The following DNAH14 variants were observed in gnomAD, a reference collection of about 807,000 sequenced individuals.
The protein encoded by DNAH14 is axonemal beta dynein heavy chain 14.
In DNAH14, 478 loss-of-function variants were observed where a neutral mutation model predicts 520.9. The ratio of observed to expected loss-of-function variants is 0.92; its 90% confidence interval spans 0.85 to 0.99. The LOEUF (loss-of-function observed/expected upper bound fraction) is 0.99. Ranked by LOEUF, DNAH14 falls within the 50% of genes least tolerant of loss-of-function variation. DNAH14 has a pLI of 0.00. For synonymous variants in DNAH14, 1,581 were observed against 1,757.2 expected (o/e 0.90, Z 2.51); for missense variants, 4,831 against 5,234.5 (o/e 0.92, Z 2.38).
intron 23 of DNAH14, among the ~76,000 whole-genome samples, chr1:225,111,063 C>A (rs1214121892): frequency 6.6e-6 from 1 of 151,950 alleles, no homozygotes; most frequent in Non-Finnish European, 1.5e-5. Context: ...TGAAAATGAT[C>A]CATGGGCTGA....
intron 71 of DNAH14, among the ~76,000 whole-genome samples, chr1:225,348,522 C>A (rs538508114): frequency 1.3e-5 from 2 of 152,208 alleles, no homozygotes; most frequent in Admixed American, 1.3e-4. Flanking sequence ...TGTATGATTA[C>A]CAGTGATTTC....
chr1:225,104,784 C>T (rs4377457), intron 23 of DNAH14, among the ~76,000 whole-genome samples: 10,495 of 151,870 alleles, frequency 0.069, 573 homozygotes, highest in East Asian at 0.24. Flanking sequence ...CTTTTCTTCT[C>T]TATTAGTCTT....
intron 83 of DNAH14, among the ~76,000 whole-genome samples, chr1:225,391,706 G>A (rs981112355): frequency 1.3e-5 from 2 of 152,060 alleles, no homozygotes; most frequent in Admixed American, 1.3e-4. Context: ...ACTGAAATAC[G>A]GAGCACAGGG....
chr1:225,034,595 T>G, intron 11 of DNAH14, among the ~76,000 whole-genome samples: 1 of 151,422 alleles, frequency 6.6e-6, no homozygotes, highest in Non-Finnish European at 1.5e-5. Context: ...CATAGAATGA[T>G]TTTGGGAGAG....
intron 55 of DNAH14, among the ~76,000 whole-genome samples, chr1:225,298,174 G>A (rs1050897860): frequency 6.6e-6 from 1 of 152,000 alleles, no homozygotes; most frequent in African/African-American, 2.4e-5. Flanking sequence ...GCAAAGGTTT[G>A]CTTGGCTAGC....
chr1:225,273,788 T>C (rs1302470231), intron 52 of DNAH14, among the ~76,000 whole-genome samples: 1 of 152,218 alleles, frequency 6.6e-6, no homozygotes, highest in African/African-American at 2.4e-5. Context: ...CAAAGGAAAG[T>C]GTTTCAATAA....
intron 17 of DNAH14, among the ~76,000 whole-genome samples, chr1:225,062,655 C>G (rs1312003150): frequency 1.3e-5 from 2 of 152,144 alleles, no homozygotes; most frequent in African/African-American, 2.4e-5. Context: ...TAATTGTAAG[C>G]AGAACAATCT....
In DNAH14 at chr1:225,224,997, A is replaced by G. The variant is rs1185250119; in HGVS notation, c.6440-6076A>G. Among the ~76,000 whole-genome samples, 3 of 152,158 alleles carry G rather than the reference A, an allele frequency of 2.0e-5. No homozygotes were observed. The East Asian group carries it at 5.8e-4, about 29-fold the overall frequency. ...ATTTTTATCACACATATTGGACCCCACAGCTCACTGCTTGGCCCATTGGCT... is the reference window on the plus strand; with the variant it reads ...ATTTTTATCACACATATTGGACCCCGCAGCTCACTGCTTGGCCCATTGGCT... On this transcript the variant is annotated intron_variant, in intron 41 of 85. Transcript: ENST00000682510.
chr1:225,335,333 GTGTACATGTGTGTGTATATGCATA>G (rs2094927457), intron 66 of DNAH14, among the ~76,000 whole-genome samples: 11 of 79,654 alleles, frequency 1.4e-4, no homozygotes, highest in South Asian at 9.4e-4. Context: ...ATATACACGT[GTGTACATGTGTGTGTATATGCATA>G]TACACGTGTA....
chr1:224,940,476 TTTTA>T (rs1275010259), intron 1 of DNAH14, among the ~76,000 whole-genome samples: 7 of 152,146 alleles, frequency 4.6e-5, no homozygotes, highest in Non-Finnish European at 8.8e-5. Flanking sequence ...CAGCTTGTCT[TTTTA>T]TTTTCTTTAG....
chr1:225,036,534 G>T (rs181661421), intron 11 of DNAH14, among the ~76,000 whole-genome samples: 8 of 152,232 alleles, frequency 5.3e-5, no homozygotes, highest in African/African-American at 1.7e-4. Flanking sequence ...GGAGAGTTGC[G>T]TGTCTGTTCC....
chr1:224,983,321 A>G (rs1206347625), intron 8 of DNAH14, among the ~76,000 whole-genome samples: 1 of 152,016 alleles, frequency 6.6e-6, no homozygotes, highest in Non-Finnish European at 1.5e-5. Flanking sequence ...CCACCCCTTT[A>G]CTTTAAGTTT....
intron 77 of DNAH14, 64 bp downstream of exon 77, chr1:225,368,096 C>T: frequency 7.5e-7 from 1 of 1,327,078 alleles, no homozygotes; most frequent in Non-Finnish European, 1.0e-6. Flanking sequence ...TGAGAGCCTA[C>T]TATGTGCCTA....
intron 36 of DNAH14, among the ~76,000 whole-genome samples, chr1:225,175,026 C>T (rs2083159105): frequency 6.6e-6 from 1 of 152,112 alleles, no homozygotes; most frequent in Non-Finnish European, 1.5e-5. Context: ...GGATGAATCC[C>T]TCTTGATCAT....
intron 41 of DNAH14, among the ~76,000 whole-genome samples, chr1:225,229,177 A>T (rs1309818523): frequency 1.3e-5 from 2 of 152,182 alleles, no homozygotes; most frequent in Non-Finnish European, 2.9e-5. Context: ...GTGCTGAGCC[A>T]TGTGGTTCCC....
At chr1:225,375,887 G>C (rs940894503) in intron 78 of DNAH14, among the ~76,000 whole-genome samples, 3 of 151,976 alleles carry the variant, frequency 2.0e-5, no homozygotes, top group Non-Finnish European at 4.4e-5. Context: ...AAGAGTTGGA[G>C]AGCAGCCTGG....
intron 4 of DNAH14, chr1:224,961,279 C>G (rs534451421): frequency 1.3e-5 from 2 of 152,132 alleles, no homozygotes; most frequent in Non-Finnish European, 2.9e-5. Context: ...GCAGAGGATC[C>G]GTTAAGCTGT....
At chr1:224,933,929 A>G (rs916456573) in intron 1 of DNAH14, among the ~76,000 whole-genome samples, 1 of 151,734 alleles carries the variant, frequency 6.6e-6, no homozygotes, top group African/African-American at 2.4e-5. Flanking sequence ...GATATCACTA[A>G]CGTTGTTTAC....
chr1:225,235,497 T>C (rs2091509839), intron 42 of DNAH14, among the ~76,000 whole-genome samples: 1 of 151,926 alleles, frequency 6.6e-6, no homozygotes, highest in African/African-American at 2.4e-5. Flanking sequence ...TGGCTTGAAG[T>C]TTTCTTTTTT....
Sources: gnomAD v4.1 joint callset for allele counts (sites outside exome capture counted in the v4.1 genomes callset) on GRCh38, gnomAD v4.1.1 for gene constraint, MANE v1.5 for transcripts, NCBI Gene and HGNC (gene_info 2026-07-23, HGNC 2026-07-21) for gene names.